The following ABCC1 variants were observed in gnomAD, a reference collection of about 807,000 sequenced individuals.
ABCC1 encodes the protein ATP binding cassette subfamily C member 1 (ABCC1 blood group), also known as multidrug resistance-associated protein 1.
ABCC1 carries 83 observed loss-of-function variants against 172.9 expected under a neutral mutation model. That is an observed-to-expected ratio of 0.48 (90% CI 0.40 to 0.58). The LOEUF is 0.58. Among genes scored for constraint, ABCC1 ranks in the 20% least tolerant of loss-of-function variants. The pLI is 0.00. For missense variants in ABCC1, 1,817 were observed against 2,002.7 expected, an observed-to-expected ratio of 0.91 and a Z score of 1.77; for synonymous variants, 937 against 825.2, an observed-to-expected ratio of 1.14 and a Z score of -2.32.
intron 1 of ABCC1, among the ~76,000 whole-genome samples, chr16:15,978,072 G>A (rs952298925): frequency 2.6e-5 from 4 of 152,114 alleles, no homozygotes; most frequent in African/African-American, 9.7e-5. Context: ...CAATGTCTCT[G>A]ATGAAAAGCA....
chr16:16,090,290 T>G, intron 18 of ABCC1, 115 bp from the exon 19 acceptor site: 15 of 1,149,152 alleles, frequency 1.3e-5, no homozygotes, highest in Non-Finnish European at 1.8e-5. Flanking sequence ...CCTTCAGACC[T>G]GAGTTTTGCC....
In ABCC1 at chr16:16,124,789, G is replaced by T; in HGVS notation, c.3591G>T (p.Arg1197Ser). 6.2e-7 allele frequency: 1 copy of T among 1,614,106 alleles called. No homozygotes were observed. Among genetic ancestry groups the T allele is most frequent in the Non-Finnish European group, 8.5e-7 (1 of 1,180,044 alleles). Reference protein sequence around the residue: ...KAYYPSIVANRWLAVRLECVG... With the variant: ...KAYYPSIVANSWLAVRLECVG... ...TGTCTGCCTGTGTGTCTTGGCGCAG[G>T]TGGCTGGCCGTGCGGCTGGAGTGTG... The change falls in exon 25 of 31, where the codon AGG becomes AGT. Residue 1197 changes from arginine to serine, a missense_variant and splice_region_variant. Transcript: ENST00000399410.
intron 23 of ABCC1, among the ~76,000 whole-genome samples, chr16:16,115,377 C>CAA (rs896687087): frequency 6.6e-6 from 1 of 151,956 alleles, no homozygotes; most frequent in African/African-American, 2.4e-5. Flanking sequence ...TTTCTTGAGA[C>CAA]AGAGTCTCGC....
chr16:16,132,668 T>C (rs1596553731), intron 27 of ABCC1, among the ~76,000 whole-genome samples: 1 of 151,532 alleles, frequency 6.6e-6, no homozygotes, highest in East Asian at 1.9e-4. Context: ...ACTACAGGCA[T>C]GCGCCACCAT....
intron 15 of ABCC1, 118 bp from the exon 16 acceptor site, chr16:16,079,234 T>G: frequency 6.8e-7 from 1 of 1,463,122 alleles, no homozygotes; most frequent in Non-Finnish European, 9.3e-7. Context: ...TTTAGTACAG[T>G]CTTGCCTTCT....
chr16:16,014,702 G>T (rs2047929770), intron 4 of ABCC1, 74 bp downstream of exon 4: 1 of 1,562,526 alleles, frequency 6.4e-7, no homozygotes, highest in African/African-American at 1.4e-5. Context: ...TCTGGCTTGT[G>T]TAGAAGTCAT....
chr16:16,072,940 G>A (rs1014977625), intron 14 of ABCC1, among the ~76,000 whole-genome samples: 3 of 151,594 alleles, frequency 2.0e-5, no homozygotes, highest in African/African-American at 7.3e-5. Flanking sequence ...TACTCGGGAG[G>A]CTGAGGCAGG....
chr16:16,036,642 C>T (rs145769561), intron 7 of ABCC1, 39 bp downstream of exon 7: 7 of 1,604,458 alleles, frequency 4.4e-6, no homozygotes, highest in East Asian at 4.5e-5. Flanking sequence ...ATGCCCTGGT[C>T]ACCTCCTTTC....
At chr16:16,092,132 G>A (rs141036791) in intron 19 of ABCC1, among the ~76,000 whole-genome samples, 246 of 152,316 alleles carry the variant, frequency 1.6e-3, no homozygotes, top group African/African-American at 5.5e-3. Flanking sequence ...CAGCTACTGG[G>A]GAGGCTGAGG....
Position 16,141,213 on chromosome 16 carries a change from G to A in ABCC1, c.4528G>A (p.Ala1510Thr), listed in dbSNP as rs764004869. 5.4e-5 allele frequency: 87 copies of A among 1,613,768 alleles called. No homozygotes were observed. The highest frequency in any genetic ancestry group is 6.4e-5 in the Non-Finnish European group (76 of 1,179,968). ...LDKGEIQEYG[A>T]PSDLLQQRGL... is the part of the protein sequence containing the mutation. ...CAAAGGAGAAATCCAGGAGTACGGC[G>A]CCCCATCGGACCTCCTGCAGCAGAG... The change falls in exon 31 of 31, where the codon GCC (alanine) becomes ACC (threonine). Residue 1510 changes from alanine to threonine, a missense_variant. Physicochemically the swap from Ala to Thr is moderately conservative, Grantham distance 58 (BLOSUM62 0). Around this residue, in one of 3 missense-constraint regions of ABCC1, gnomAD observed 1,412 missense variants for 1,600.3 expected, o/e 0.88. Coordinates refer to ENST00000399410, the MANE Select transcript of ABCC1 (RefSeq NM_004996.4).
At chr16:16,104,909 C>CG (rs1173403093) in intron 20 of ABCC1, among the ~76,000 whole-genome samples, 3 of 152,156 alleles carry the variant, frequency 2.0e-5, no homozygotes, top group African/African-American at 7.2e-5. Flanking sequence ...CGGGGCTGCC[C>CG]GGCAGCTCTG....
chr16:16,080,514 T>G (rs1307802660), intron 16 of ABCC1, among the ~76,000 whole-genome samples: 3 of 152,164 alleles, frequency 2.0e-5, no homozygotes, highest in Non-Finnish European at 4.4e-5. Flanking sequence ...TTTAGTTCAC[T>G]CCCCATGAAG....
chr16:16,018,539 ACT>A (rs1347418022), intron 5 of ABCC1, among the ~76,000 whole-genome samples: 1 of 151,680 alleles, frequency 6.6e-6, no homozygotes, highest in African/African-American at 2.4e-5. Context: ...ACAGAATGAG[ACT>A]CTGTCTCAAA....
intron 24 of ABCC1, among the ~76,000 whole-genome samples, chr16:16,122,857 C>G (rs2045230242): frequency 6.6e-6 from 1 of 152,082 alleles, no homozygotes; most frequent in Non-Finnish European, 1.5e-5. Flanking sequence ...GCACTCCAGC[C>G]TGGGTGACAG....
At chr16:16,075,980 G>C (rs1310216132) in intron 14 of ABCC1, among the ~76,000 whole-genome samples, 1 of 148,784 alleles carries the variant, frequency 6.7e-6, no homozygotes, top group Non-Finnish European at 1.5e-5. Flanking sequence ...GAGCTGCCCC[G>C]AACCTGCCTG....
intron 5 of ABCC1, among the ~76,000 whole-genome samples, chr16:16,024,796 G>A (rs536089770): frequency 1.8e-4 from 27 of 152,228 alleles, no homozygotes; most frequent in African/African-American, 6.0e-4. Context: ...GGGTGAGGTC[G>A]GTGGCACTTA....
chr16:15,999,803 CTCTCTCCTCT>C (rs1207101735), intron 1 of ABCC1, among the ~76,000 whole-genome samples: 12 of 29,604 alleles, frequency 4.1e-4, no homozygotes, highest in African/African-American at 9.6e-4. Context: ...CTCTCTCTCT[CTCTCTCCTCT>C]CTCTCTCTCT....
chr16:16,014,497 G>C lies in ABCC1; in HGVS notation c.358G>C (p.Ala120Pro). 6.2e-7 allele frequency: 1 copy of C among 1,613,906 alleles called. No individual in the cohort carries two copies. Among genetic ancestry groups the C allele is most frequent in the Non-Finnish European group, 8.5e-7 (1 of 1,179,936 alleles). Residue 120 changes from alanine to proline, a missense_variant, in exon 4 of 31, where the codon GCT becomes CCT. Ala to Pro is a conservative substitution (Grantham distance 27). Coordinates refer to ENST00000399410, the MANE Select transcript of ABCC1 (RefSeq NM_004996.4). ...CTTGTGCTTCTCTCCTCAGCTGCTT[G>C]CTACCTTTTTAATTCAGCTGGAGAG... ...PTLLGITMLLATFLIQLERRK... is the reference protein window; with the variant it reads ...PTLLGITMLLPTFLIQLERRK...
At chr16:16,087,553 G>A (rs1263369213) in intron 18 of ABCC1, among the ~76,000 whole-genome samples, 3 of 152,104 alleles carry the variant, frequency 2.0e-5, no homozygotes, top group Non-Finnish European at 4.4e-5. Context: ...CGCATCTCGG[G>A]TTCAAGCACT....
Sources: gnomAD v4.1 joint callset for allele counts (sites outside exome capture counted in the v4.1 genomes callset) on GRCh38, gnomAD v4.1.1 for gene constraint, gnomAD v4.1.1 regional missense constraint, MANE v1.5 for transcripts, NCBI Gene and HGNC (gene_info 2026-07-23, HGNC 2026-07-21) for gene names.